UNC13C: variants seen among roughly 807,000 people sequenced by gnomAD.
The protein encoded by UNC13C is unc-13 homolog C, also known as protein unc-13 homolog C.
In UNC13C, 174 loss-of-function variants were observed where a neutral mutation model predicts 245.4. The observed-to-expected ratio is 0.71, with a 90% CI of 0.63 to 0.80. UNC13C has a LOEUF of 0.80. Ranked by LOEUF, UNC13C falls within the 30% of genes least tolerant of loss-of-function variation. The pLI, the probability that UNC13C is intolerant of heterozygous loss-of-function variation, is 0.00. For synonymous variants in UNC13C, 992 were observed against 895.1 expected (o/e 1.11, Z -1.93); for missense variants, 2,829 against 2,602.9 (o/e 1.09, Z -1.89).
intron 30 of UNC13C, among the ~76,000 whole-genome samples, chr15:54,618,822 A>T (rs762167662): frequency 5.3e-5 from 8 of 152,188 alleles, no homozygotes; most frequent in Non-Finnish European, 1.0e-4. Flanking sequence ...CAGGACTATG[A>T]AAATAACGGG....
intron 13 of UNC13C, chr15:54,321,127 A>T: frequency 5.8e-6 from 3 of 516,394 alleles, no homozygotes; most frequent in South Asian, 4.2e-5. Context: ...GGCACTAGCC[A>T]TCTCTTGCTC....
chr15:54,106,441 G>T (rs944267930), intron 2 of UNC13C, among the ~76,000 whole-genome samples: 1 of 152,200 alleles, frequency 6.6e-6, no homozygotes, highest in Non-Finnish European at 1.5e-5. Context: ...ATATTTTCAG[G>T]TTTGCTCTTA....
At chr15:54,336,221 G>C (rs1445171798) in intron 16 of UNC13C, among the ~76,000 whole-genome samples, 1 of 151,908 alleles carries the variant, frequency 6.6e-6, no homozygotes, top group Non-Finnish European at 1.5e-5. Flanking sequence ...TTTAAAATGT[G>C]TATACATTGC....
At chr15:54,335,570 A>G (rs776719297) in intron 16 of UNC13C, among the ~76,000 whole-genome samples, 6 of 152,086 alleles carry the variant, frequency 3.9e-5, no homozygotes, top group Admixed American at 6.6e-5. Context: ...CTTCTCCCAC[A>G]TGCTGGTAAC....
intron 23 of UNC13C, among the ~76,000 whole-genome samples, chr15:54,511,375 T>G (rs1894731646): frequency 8.8e-6 from 1 of 113,610 alleles, no homozygotes; most frequent in African/African-American, 3.2e-5. Context: ...ACATGGTATT[T>G]TCTTTTCTAA....
intron 30 of UNC13C, among the ~76,000 whole-genome samples, chr15:54,619,317 G>C (rs747905237): frequency 6.6e-5 from 10 of 152,210 alleles, no homozygotes; most frequent in Middle Eastern, 3.4e-3. Flanking sequence ...AACAATCCAA[G>C]GGTCAGTAAT....
intron 2 of UNC13C, among the ~76,000 whole-genome samples, chr15:54,073,042 C>A (rs976687276): frequency 5.3e-5 from 8 of 152,184 alleles, no homozygotes; most frequent in African/African-American, 1.7e-4. Context: ...GCCCTCCACC[C>A]CCCGACAGGC....
chr15:54,603,783 G>A (rs1205000887), intron 30 of UNC13C, among the ~76,000 whole-genome samples: 1 of 152,172 alleles, frequency 6.6e-6, no homozygotes, highest in Non-Finnish European at 1.5e-5. Flanking sequence ...AGAATCACTT[G>A]AAACGGGAGG....
intron 10 of UNC13C, among the ~76,000 whole-genome samples, chr15:54,275,809 A>T (rs912552316): frequency 2.6e-5 from 4 of 152,142 alleles, no homozygotes; most frequent in Non-Finnish European, 5.9e-5. Context: ...TTGTATACAG[A>T]TATTCATAGC....
chr15:53,896,706 T>C, the UNC13C span, among the ~76,000 whole-genome samples: 2 of 152,274 alleles, frequency 1.3e-5, no homozygotes, highest in African/African-American at 2.4e-5. Flanking sequence ...TCCCTAAAGA[T>C]GTAAGGAGTG....
chr15:54,284,037 A>G (rs1045175566), intron 10 of UNC13C, among the ~76,000 whole-genome samples: 1 of 152,208 alleles, frequency 6.6e-6, no homozygotes, highest in African/African-American at 2.4e-5. Flanking sequence ...ACACTGTTCC[A>G]GTCCCTTTAC....
chr15:54,406,178 G>C (rs914601396), intron 18 of UNC13C, among the ~76,000 whole-genome samples: 1 of 152,180 alleles, frequency 6.6e-6, no homozygotes, highest in African/African-American at 2.4e-5. Context: ...TTTGTGCTAG[G>C]TTCGACGAAA....
chr15:54,128,032 A>G (rs1352678693), intron 2 of UNC13C, among the ~76,000 whole-genome samples: 1 of 152,036 alleles, frequency 6.6e-6, no homozygotes, highest in Non-Finnish European at 1.5e-5. Context: ...AGACTCTTCC[A>G]AAAGACTCCT....
chr15:53,851,472 T>A, the UNC13C span, among the ~76,000 whole-genome samples: 1 of 152,186 alleles, frequency 6.6e-6, no homozygotes, highest in Non-Finnish European at 1.5e-5. Flanking sequence ...CAACCATGGT[T>A]TCTGGCTCAT....
At chr15:54,402,952 G>C (rs528034539) in intron 18 of UNC13C, among the ~76,000 whole-genome samples, 4 of 152,230 alleles carry the variant, frequency 2.6e-5, no homozygotes, top group African/African-American at 9.6e-5. Flanking sequence ...GACCATATCA[G>C]GATTTGTAGA....
intron 30 of UNC13C, among the ~76,000 whole-genome samples, chr15:54,602,496 G>T (rs1404997157): frequency 6.6e-6 from 1 of 152,290 alleles, no homozygotes; most frequent in South Asian, 2.1e-4. Flanking sequence ...ATGATCAGTA[G>T]ATTATATGCT....
chr15:54,244,087 C>T (rs2140850732), intron 7 of UNC13C, among the ~76,000 whole-genome samples: 1 of 152,232 alleles, frequency 6.6e-6, no homozygotes, highest in East Asian at 1.9e-4. Flanking sequence ...CCTAGATTTT[C>T]TTCTAGAGTG....
chr15:54,532,871 G>A (rs776189468), intron 25 of UNC13C, 46 bp from the exon 26 acceptor site: 26 of 1,320,668 alleles, frequency 2.0e-5, no homozygotes, highest in Non-Finnish European at 2.4e-5. Context: ...ACAGGCTCAG[G>A]CAAAATGTAT....
intron 27 of UNC13C, among the ~76,000 whole-genome samples, chr15:54,547,203 C>T (rs1272039915): frequency 6.6e-6 from 1 of 151,994 alleles, no homozygotes; most frequent in Non-Finnish European, 1.5e-5. Context: ...TTAAATTTTA[C>T]AGTTTAAGGA....
Sources: allele counts gnomAD v4.1 joint callset (sites outside exome capture counted in the v4.1 genomes callset), GRCh38; gene constraint gnomAD v4.1.1; transcripts MANE v1.5; gene names NCBI Gene and HGNC (gene_info 2026-07-23, HGNC 2026-07-21).